The following FSTL5 variants were observed in gnomAD, a reference collection of about 807,000 sequenced individuals.
FSTL5 encodes the protein follistatin-related protein 5.
In FSTL5, 62 loss-of-function variants were observed where a neutral mutation model predicts 89.1. That is an observed-to-expected ratio of 0.70 (90% CI 0.57 to 0.86). FSTL5 has a LOEUF of 0.86. FSTL5 is among the 40% of genes least tolerant of loss of function. FSTL5 has a pLI of 0.00. For synonymous variants in FSTL5, 383 were observed against 346.2 expected, an observed-to-expected ratio of 1.11 and a Z score of -1.18; for missense variants, 1,057 against 1,001.6, an observed-to-expected ratio of 1.06 and a Z score of -0.75.
intron 2 of FSTL5, among the ~76,000 whole-genome samples, chr4:162,067,397 G>C (rs900873209): frequency 5.9e-5 from 9 of 152,120 alleles, no homozygotes; most frequent in African/African-American, 2.2e-4. Flanking sequence ...ATGGGCATTT[G>C]GGTTGATTCC....
chr4:162,033,075 C>T (rs563822213), intron 3 of FSTL5, among the ~76,000 whole-genome samples: 1 of 152,258 alleles, frequency 6.6e-6, no homozygotes, highest in African/African-American at 2.4e-5. Context: ...TGACAATCTA[C>T]ATAGAGTAAT....
At chr4:162,020,739 G>GA (rs931330028) in intron 3 of FSTL5, among the ~76,000 whole-genome samples, 27 of 149,858 alleles carry the variant, frequency 1.8e-4, no homozygotes, top group South Asian at 1.5e-3. Context: ...TTAACTAAAA[G>GA]AAAAAAAACA....
intron 6 of FSTL5, among the ~76,000 whole-genome samples, chr4:161,712,863 G>C (rs142708761): frequency 6.6e-6 from 1 of 151,902 alleles, no homozygotes; most frequent in Non-Finnish European, 1.5e-5. Context: ...TCCCTTTCTC[G>C]CATGTGATGC....
intron 15 of FSTL5, among the ~76,000 whole-genome samples, chr4:161,403,364 T>TAA (rs1469476126): frequency 6.6e-6 from 1 of 152,166 alleles, no homozygotes; most frequent in Non-Finnish European, 1.5e-5. Context: ...TTTAAAAAAT[T>TAA]AAAAAGTCTG....
chr4:162,079,430 T>C (rs981091680), intron 2 of FSTL5, among the ~76,000 whole-genome samples: 7 of 151,610 alleles, frequency 4.6e-5, no homozygotes, highest in African/African-American at 1.7e-4. Flanking sequence ...AAGAAAGACA[T>C]GGGAAAATGT....
At chr4:161,796,151 G>A (rs1175948922) in intron 4 of FSTL5, among the ~76,000 whole-genome samples, 1 of 151,784 alleles carries the variant, frequency 6.6e-6, no homozygotes, top group African/African-American at 2.4e-5. Flanking sequence ...TTCAAGTTTG[G>A]ATTTAATTAT....
intron 2 of FSTL5, among the ~76,000 whole-genome samples, chr4:162,100,332 G>A (rs1156317310): frequency 4.6e-5 from 7 of 152,084 alleles, no homozygotes; most frequent in Non-Finnish European, 7.4e-5. Context: ...AGGCCGAGGC[G>A]GGTGGATCAC....
chr4:161,568,228 G>T (rs879798339), intron 8 of FSTL5, among the ~76,000 whole-genome samples: 15 of 151,960 alleles, frequency 9.9e-5, no homozygotes, highest in Non-Finnish European at 1.8e-4. Flanking sequence ...CTCTTAATTG[G>T]TTCTGAAGAC....
chr4:161,736,349 T>C (rs1277447489), intron 6 of FSTL5, among the ~76,000 whole-genome samples: 1 of 152,074 alleles, frequency 6.6e-6, no homozygotes, highest in African/African-American at 2.4e-5. Flanking sequence ...ATTACATAAA[T>C]TTACTCTAAA....
chr4:161,581,837 T>C (rs995550547), intron 8 of FSTL5, among the ~76,000 whole-genome samples: 2 of 152,228 alleles, frequency 1.3e-5, no homozygotes, highest in African/African-American at 4.8e-5. Context: ...TACATATAGT[T>C]TCACTGTGAA....
intron 6 of FSTL5, among the ~76,000 whole-genome samples, chr4:161,687,815 A>C (rs1737797747): frequency 1.3e-5 from 2 of 152,358 alleles, no homozygotes; most frequent in South Asian, 4.1e-4. Flanking sequence ...TGTGTTCCCC[A>C]AAACTCACAA....
intron 2 of FSTL5, among the ~76,000 whole-genome samples, chr4:162,088,433 C>G (rs72693254): frequency 6.6e-6 from 1 of 151,986 alleles, no homozygotes; most frequent in African/African-American, 2.4e-5. Context: ...AAAAAAGAGC[C>G]ATTGACTTAG....
rs1388464963 is a variant in FSTL5 at position 161,562,262 on chromosome 4, G to A, written c.1016-19569C>T. 5.9e-5 allele frequency among the ~76,000 whole-genome samples: 9 copies of A among 151,988 alleles called. No homozygotes were observed. In the South Asian group the frequency reaches 1.2e-3, roughly 21 times the overall value. On this transcript the variant is annotated intron_variant, in intron 8 of 15. Coordinates refer to ENST00000306100, the MANE Select transcript of FSTL5 (RefSeq NM_020116.5). Reference sequence around the variant, plus strand: ...GTAGGAAGTTTTGAAATTGGGAAGTGTGAGTTCCCCAGGTTTGTTCTTCAC... The same window carrying A: ...GTAGGAAGTTTTGAAATTGGGAAGTATGAGTTCCCCAGGTTTGTTCTTCAC...
intron 10 of FSTL5, among the ~76,000 whole-genome samples, chr4:161,525,546 T>C (rs893658567): frequency 3.3e-5 from 5 of 152,112 alleles, no homozygotes; most frequent in Non-Finnish European, 7.4e-5. Flanking sequence ...ATTAAATCAG[T>C]TTGGTTCAAT....
intron 4 of FSTL5, among the ~76,000 whole-genome samples, chr4:161,900,375 T>C (rs1402572873): frequency 2.0e-5 from 3 of 151,596 alleles, no homozygotes; most frequent in Non-Finnish European, 4.4e-5. Flanking sequence ...AACAGAAACT[T>C]GTTAATAAGA....
At chr4:162,082,091 A>C (rs992297499) in intron 2 of FSTL5, among the ~76,000 whole-genome samples, 6 of 151,672 alleles carry the variant, frequency 4.0e-5, no homozygotes, top group Admixed American at 4.0e-4. Context: ...GCATTATCTG[A>C]TTTTTAGGAT....
chr4:161,706,838 T>C (rs1219036374), intron 6 of FSTL5, among the ~76,000 whole-genome samples: 1 of 152,034 alleles, frequency 6.6e-6, no homozygotes, highest in Non-Finnish European at 1.5e-5. Context: ...AGTAATCCAG[T>C]TCTAGATTCT....
In FSTL5 at chr4:162,068,228, G is replaced by A. The variant is rs145430420; in HGVS notation, c.127-34570C>T. ...TTAAATTTTATGTGGAACCAAAAGA[G>A]AGCCCATATAGCCAAGGCAATCCTA... On this transcript the variant is annotated intron_variant, in intron 2 of 15. Coordinates refer to ENST00000306100, the MANE Select transcript of FSTL5 (RefSeq NM_020116.5). Among the ~76,000 whole-genome samples the A allele has an allele frequency of 1.1e-4, 17 of 152,138 alleles. No individual in the cohort carries two copies. In the East Asian group the frequency reaches 2.1e-3, roughly 19 times the overall value.
At chr4:161,966,660 T>C (rs1415941368) in intron 3 of FSTL5, among the ~76,000 whole-genome samples, 3 of 152,084 alleles carry the variant, frequency 2.0e-5, no homozygotes, top group Non-Finnish European at 4.4e-5. Flanking sequence ...GGCCATCTGT[T>C]AAGCAAGGAG....
Sources: allele counts gnomAD v4.1 joint callset (sites outside exome capture counted in the v4.1 genomes callset), GRCh38; gene constraint gnomAD v4.1.1; transcripts MANE v1.5; gene names NCBI Gene and HGNC (gene_info 2026-07-23, HGNC 2026-07-21).